The following ZNF653 variants were observed in gnomAD, a reference collection of about 807,000 sequenced individuals.
The protein encoded by ZNF653 is zinc finger protein 653, also known as 67 kDa zinc finger protein.
A neutral mutation model predicts 59.9 loss-of-function variants in ZNF653; 37 were observed. The ratio of observed to expected loss-of-function variants is 0.62; its 90% confidence interval spans 0.48 to 0.81. The LOEUF is 0.81. ZNF653 is among the 40% of genes least tolerant of loss of function. ZNF653 has a pLI of 0.00. For synonymous variants in ZNF653, 435 were observed against 371.8 expected (o/e 1.17, Z -1.96); for missense variants, 808 against 881.1 (o/e 0.92, Z 1.05).
Position 11,487,987 on chromosome 19 carries a change from T to C in ZNF653, c.560-84A>G. 1 of 1,149,534 alleles carries C rather than the reference T, an allele frequency of 8.7e-7. No individual in the cohort carries two copies. The highest frequency in any genetic ancestry group is 1.1e-6 in the Non-Finnish European group (1 of 914,442). The allele number at this position is 1,149,534 out of a possible 1,614,324, so 71.2% of individuals were successfully genotyped here. A position where few individuals can be genotyped will look rare whatever the true frequency, so the allele number is the denominator to read the frequency against. On this transcript the variant is annotated intron_variant, in intron 3 of 8. Transcript: ENST00000293771. This position sits in a 1 kb window ranked among gnomAD's most constrained non-coding sequence, Gnocchi z 5.1. ...TTTAGTTTTTATTTTATTTTATTTATTTATTTATTTATTTTTTTGAGACAG... is the reference window on the plus strand; with the variant it reads ...TTTAGTTTTTATTTTATTTTATTTACTTATTTATTTATTTTTTTGAGACAG...
At chr19:11,483,890 G>A (rs1402443521) in intron 8 of ZNF653, 31 bp from the exon 9 acceptor site, 1 of 1,538,054 alleles carries the variant, frequency 6.5e-7, no homozygotes, top group Non-Finnish European at 8.8e-7. Context: ...GACGGGGCGG[G>A]GTCAGAGTGG....
At chr19:11,502,025 C>G (rs1240756308) in intron 1 of ZNF653, among the ~76,000 whole-genome samples, 1 of 152,020 alleles carries the variant, frequency 6.6e-6, no homozygotes, top group Non-Finnish European at 1.5e-5. Flanking sequence ...GAACTCCTTA[C>G]TTCGTGATTT....
At chr19:11,502,560 CTGTG>C (rs1971657970) in intron 1 of ZNF653, among the ~76,000 whole-genome samples, 2 of 152,284 alleles carry the variant, frequency 1.3e-5, no homozygotes, top group South Asian at 4.1e-4. Context: ...ACAAACCAGG[CTGTG>C]TGTGACTTGT....
At position 11,487,139 on chromosome 19, in the gene ZNF653, C is replaced by T. The variant is rs139234263; in HGVS notation, c.1191G>A (p.Leu397=). The change falls in exon 5 of 9, where the codon TTG becomes TTA. Residue 397 remains leucine, a synonymous_variant. Transcript: ENST00000293771. The surrounding 1 kb of genome is among the most constrained non-coding windows in gnomAD (Gnocchi z 5.1). ...ETKKEKEDLC[L]LKKEEKEEPV... is the part of the protein sequence containing the mutation. ...GCTCCTCCTTCTCCTCCTTCTTTAG[C>T]AAGCACAGGTCCTCCTTCTCTACAG... 73 of 1,612,028 alleles carry T rather than the reference C, an allele frequency of 4.5e-5. No individual in the cohort carries two copies. The African/African-American group carries it at 8.8e-4, about 19-fold the overall frequency.
rs192976791 is a variant in ZNF653 at position 11,497,155 on chromosome 19, G to A, written c.344-990C>T. On this transcript the variant is annotated intron_variant, in intron 2 of 8. Transcript: ENST00000293771. ...CACTCTAGCCGACCTTAACTTTGCTGTCTGTTTTCTCCAGGTAGTACCTAG... is the reference window on the plus strand; with the variant it reads ...CACTCTAGCCGACCTTAACTTTGCTATCTGTTTTCTCCAGGTAGTACCTAG... 7.2e-5 allele frequency among the ~76,000 whole-genome samples: 11 copies of A among 152,330 alleles called. 1 individual carries two copies. The highest frequency in any genetic ancestry group is 2.6e-4 in the African/African-American group (11 of 41,586).
intron 7 of ZNF653, among the ~76,000 whole-genome samples, chr19:11,484,464 C>G (rs180985352): frequency 1.3e-5 from 2 of 152,040 alleles, no homozygotes; most frequent in African/African-American, 4.8e-5. Flanking sequence ...TGCAATGGCC[C>G]GATCTCGGCT....
intron 7 of ZNF653, 33 bp downstream of exon 7, chr19:11,485,623 C>T (rs753752680): frequency 1.9e-6 from 3 of 1,573,216 alleles, no homozygotes; most frequent in East Asian, 2.2e-5. Context: ...CCTGTGTCCC[C>T]CGCTCATGCT....
intron 1 of ZNF653, among the ~76,000 whole-genome samples, chr19:11,499,390 A>T (rs1971620950): frequency 6.6e-6 from 1 of 152,084 alleles, no homozygotes; most frequent in Non-Finnish European, 1.5e-5. Context: ...ACGGGAACAT[A>T]TCTTGTAGGG....
At chr19:11,503,627 C>T (rs552701162) in intron 1 of ZNF653, among the ~76,000 whole-genome samples, 1 of 148,974 alleles carries the variant, frequency 6.7e-6, no homozygotes, top group South Asian at 2.2e-4. Context: ...GGCAACATGG[C>T]GAGACCCCCA....
intron 1 of ZNF653, chr19:11,505,235 C>CG (rs1448970905): frequency 4.7e-6 from 2 of 428,674 alleles, no homozygotes; most frequent in Admixed American, 9.2e-5. Flanking sequence ...TTCTAGCGGG[C>CG]GGGGCCAAGC....
rs1428966771 is a variant in ZNF653, at chr19:11,505,524, A to T, written c.263T>A (p.Ile88Asn). The T allele has an allele frequency of 1.3e-6, 2 of 1,514,660 alleles. No homozygotes were observed. The highest frequency in any genetic ancestry group is 1.7e-6 in the Non-Finnish European group (2 of 1,143,734). The allele number at this position is 1,514,660 out of a possible 1,614,324, so 93.8% of individuals were successfully genotyped here. The change falls in exon 1 of 9, where the codon ATC becomes AAC. Residue 88 changes from isoleucine (I) to asparagine (N), a missense_variant. Physicochemically the swap from Ile to Asn is moderately radical, Grantham distance 149 (BLOSUM62 -3). Transcript: ENST00000293771. Reference sequence around the variant, plus strand: ...GCTCCGCTGGCCGCGCTCCAGAGAGATGAGGTAGGCGGCGAGCTTGGCGTC... The same window carrying T: ...GCTCCGCTGGCCGCGCTCCAGAGAGTTGAGGTAGGCGGCGAGCTTGGCGTC... Reference protein sequence around the residue: ...WSDAKLAAYLISLERGQRSGR... With the variant: ...WSDAKLAAYLNSLERGQRSGR...
chr19:11,502,855 G>A (rs1004086627), intron 1 of ZNF653, among the ~76,000 whole-genome samples: 4 of 151,904 alleles, frequency 2.6e-5, no homozygotes, highest in Admixed American at 6.6e-5. Context: ...CCAACATGGC[G>A]AAACCCCGTC....
rs753159896 is a variant in ZNF653 at position 11,505,504 on chromosome 19, G to A, written c.283C>T (p.Arg95Trp). 8.7e-6 allele frequency: 13 copies of A among 1,489,480 alleles called. No homozygotes were observed. Among genetic ancestry groups the A allele is most frequent in the South Asian group, 2.6e-5 (2 of 78,420 alleles). 92.3% of individuals were successfully genotyped at this position (1,489,480 alleles called of 1,614,324 possible). Residue 95 changes from arginine to tryptophan, a missense_variant, in exon 1 of 9, where the codon CGG becomes TGG. Transcript: ENST00000293771. The part of the protein sequence containing the change: ...AYLISLERGQ[R>W]SGRHGKPWEQ... ...CCCCCTCACCCGTGGCGGCCGCTCC[G>A]CTGGCCGCGCTCCAGAGAGATGAGG...
rs972023806 is a variant in ZNF653 at position 11,505,725 on chromosome 19, T to C, written c.62A>G (p.Glu21Gly). ...CGCTGCGCCCTCCTCGGCTGCTGCC[T>C]CCCCGCCCGCGCCCGCCTCAGCCTC... is the stretch of plus-strand genomic sequence containing the variant. The part of the protein sequence containing the change: ...EAEAEAGAGG[E>G]AAAEEGAAGR... Residue 21 changes from glutamate (E) to glycine (G), a missense_variant, in exon 1 of 9, where the codon GAG becomes GGG. Physicochemically the swap from Glu to Gly is moderately conservative, Grantham distance 98. Coordinates refer to ENST00000293771, the MANE Select transcript of ZNF653 (RefSeq NM_138783.4). 6.9e-7 allele frequency: 1 copy of C among 1,458,738 alleles called. No homozygotes were observed. 90.4% of individuals were successfully genotyped at this position (1,458,738 alleles called of 1,614,324 possible). A position where few individuals can be genotyped will look rare whatever the true frequency, so the allele number is the denominator to read the frequency against.
intron 1 of ZNF653, among the ~76,000 whole-genome samples, chr19:11,502,123 G>T (rs1053909567): frequency 4.7e-5 from 7 of 150,290 alleles, no homozygotes; most frequent in African/African-American, 1.7e-4. Flanking sequence ...AGACAGTCTT[G>T]CTCTATTGCC....
At chr19:11,494,001 C>T (rs311801) in intron 3 of ZNF653, among the ~76,000 whole-genome samples, 5 of 148,856 alleles carry the variant, frequency 3.4e-5, no homozygotes, top group African/African-American at 7.3e-5. Context: ...CCTGGGCAAC[C>T]GTGAGACCCT....
chr19:11,494,120 G>A (rs934887265), intron 3 of ZNF653, among the ~76,000 whole-genome samples: 1 of 152,080 alleles, frequency 6.6e-6, no homozygotes, highest in Non-Finnish European at 1.5e-5. Context: ...CTGGGAGTTC[G>A]AGACCAGCCT....
In ZNF653 at chr19:11,495,894, G is replaced by C. The variant is rs997417266; in HGVS notation, c.559+56C>G. 4 of 1,540,250 alleles carry C rather than the reference G, an allele frequency of 2.6e-6. No homozygotes were observed. Among genetic ancestry groups the C allele is most frequent in the Non-Finnish European group, 2.7e-6 (3 of 1,131,204 alleles). On this transcript the variant is annotated intron_variant, in intron 3 of 8. Coordinates refer to ENST00000293771, the MANE Select transcript of ZNF653 (RefSeq NM_138783.4). This position sits in a 1 kb window ranked among gnomAD's most constrained non-coding sequence, Gnocchi z 4.9. ...TGTTTGTGATGCTAGCCTAGGGCTC[G>C]TAAGAAGCCCCCAGAAATGGGCGGC...
chr19:11,489,305 C>A (rs922053097), intron 3 of ZNF653, among the ~76,000 whole-genome samples: 9 of 151,476 alleles, frequency 5.9e-5, no homozygotes, highest in Non-Finnish European at 1.3e-4. Flanking sequence ...GTTCAAGCAA[C>A]TCTTGTGCCT....
Sources: gnomAD v4.1 joint callset for allele counts (sites outside exome capture counted in the v4.1 genomes callset) on GRCh38, gnomAD v4.1.1 for gene constraint, Gnocchi (gnomAD v3.1) non-coding constraint, MANE v1.5 for transcripts, NCBI Gene and HGNC (gene_info 2026-07-23, HGNC 2026-07-21) for gene names.